The following AHI1 variants were observed in gnomAD, a reference collection of about 807,000 sequenced individuals.
AHI1 encodes Abelson helper integration site 1, also known as jouberin.
In AHI1, 123 loss-of-function variants were observed where a neutral mutation model predicts 149.3. That is an observed-to-expected ratio of 0.82 (90% CI 0.71 to 0.96). The LOEUF is 0.96. AHI1 is among the 40% of genes least tolerant of loss of function. The pLI, the probability that AHI1 is intolerant of heterozygous loss-of-function variation, is 0.00. For missense variants in AHI1, 1,439 were observed against 1,422.7 expected (o/e 1.01, Z -0.18); for synonymous variants, 475 against 459.8 (o/e 1.03, Z -0.42).
At chr6:135,308,061 G>C (rs1374921032) in intron 26 of AHI1, among the ~76,000 whole-genome samples, 1 of 152,156 alleles carries the variant, frequency 6.6e-6, no homozygotes, top group African/African-American at 2.4e-5. Flanking sequence ...TCCAAAAAAA[G>C]GTCATGCTGC....
intron 22 of AHI1, among the ~76,000 whole-genome samples, chr6:135,396,714 T>C (rs554387885): frequency 3.3e-5 from 5 of 151,782 alleles, no homozygotes; most frequent in African/African-American, 7.2e-5. Flanking sequence ...TTCCTGAAAA[T>C]TTTTATCTTA....
At chr6:135,352,281 C>G (rs1792238241) in intron 24 of AHI1, among the ~76,000 whole-genome samples, 1 of 152,138 alleles carries the variant, frequency 6.6e-6, no homozygotes, top group Admixed American at 6.5e-5. Context: ...ATTCAATGAT[C>G]TTTATAAATG....
At chr6:135,382,043 C>A (rs1776840924) in intron 23 of AHI1, among the ~76,000 whole-genome samples, 1 of 152,198 alleles carries the variant, frequency 6.6e-6, no homozygotes, top group Admixed American at 6.5e-5. Flanking sequence ...AGTTAGAAAT[C>A]ATTCTTAACT....
intron 8 of AHI1, among the ~76,000 whole-genome samples, chr6:135,459,085 C>T (rs963622505): frequency 6.6e-5 from 10 of 152,100 alleles, no homozygotes; most frequent in African/African-American, 2.2e-4. Flanking sequence ...TTAGAAATTG[C>T]ATTCTTTTCA....
At chr6:135,315,802 A>G (rs1464821757) in intron 26 of AHI1, among the ~76,000 whole-genome samples, 1 of 152,232 alleles carries the variant, frequency 6.6e-6, no homozygotes, top group African/African-American at 2.4e-5. Context: ...CACTCGCATT[A>G]GAAATGAACC....
At chr6:135,397,651 A>T (rs1437274157) in intron 22 of AHI1, among the ~76,000 whole-genome samples, 1 of 152,076 alleles carries the variant, frequency 6.6e-6, no homozygotes, top group Non-Finnish European at 1.5e-5. Flanking sequence ...ATGTTAAAAA[A>T]CTTGCTGCTC....
rs1787171633 is a variant in AHI1 at position 135,323,385 on chromosome 6, A to G, written c.3166-61T>C. On this transcript the variant is annotated intron_variant, in intron 24 of 28. Coordinates refer to ENST00000265602, the MANE Select transcript of AHI1 (RefSeq NM_001134831.2). The stretch of plus-strand genomic sequence containing the variant: ...AACTGTACCACAGAGAAAACCCCCA[A>G]CATTCACTTCCTCTTGCAGAAGAGC... 4 of 1,532,950 alleles carry G rather than the reference A, an allele frequency of 2.6e-6. No individual in the cohort carries two copies. The Admixed American group carries it at 5.6e-5, about 21-fold the overall frequency. 95.0% of individuals were successfully genotyped at this position (1,532,950 alleles called of 1,614,324 possible). A position where few individuals can be genotyped will look rare whatever the true frequency, so the allele number is the denominator to read the frequency against.
chr6:135,321,730 T>C, intron 25 of AHI1, among the ~76,000 whole-genome samples: 1 of 152,248 alleles, frequency 6.6e-6, no homozygotes. Context: ...AATAATTATT[T>C]CTTTGCAGAA....
rs35851478 is a variant in AHI1, at chr6:135,404,967, C to T, written c.2972G>A (p.Arg991His). Reference sequence around the variant, plus strand: ...ACTACTTACTTTTGCAGCACAGGAACGTATCACCTCCTAAAAGAAATACAA... The same window carrying T: ...ACTACTTACTTTTGCAGCACAGGAATGTATCACCTCCTAAAAGAAATACAA... ...QRLETVTEVI[R>H]SCAAKVNKNL... Residue 991 changes from arginine (R) to histidine (H), a missense_variant, in exon 22 of 29, where the codon CGT (arginine) becomes CAT (histidine). Arg to His is a conservative substitution (Grantham distance 29, BLOSUM62 0). Transcript: ENST00000265602. 1,138 of 1,607,560 alleles carry T rather than the reference C, an allele frequency of 7.1e-4. 11 individuals are homozygous for T. The African/African-American group carries it at 0.012, about 17-fold the overall frequency.
At chr6:135,333,956 G>A (rs1360836747) in intron 24 of AHI1, among the ~76,000 whole-genome samples, 1 of 152,160 alleles carries the variant, frequency 6.6e-6, no homozygotes, top group African/African-American at 2.4e-5. Flanking sequence ...TATTGTTTGT[G>A]ATCACACATT....
At chr6:135,340,109 C>T (rs1466388106) in intron 24 of AHI1, among the ~76,000 whole-genome samples, 3 of 152,174 alleles carry the variant, frequency 2.0e-5, no homozygotes, top group East Asian at 1.9e-4. Context: ...CCGTGGCTCA[C>T]GCCTGTAATC....
chr6:135,482,831 A>G (rs1393328653), intron 5 of AHI1, among the ~76,000 whole-genome samples: 1 of 147,278 alleles, frequency 6.8e-6, no homozygotes, highest in East Asian at 2.0e-4. Context: ...AATCCTTTAA[A>G]TACTGCTGGG....
chr6:135,338,155 G>C (rs1253189865), intron 24 of AHI1, among the ~76,000 whole-genome samples: 1 of 151,700 alleles, frequency 6.6e-6, no homozygotes, highest in Non-Finnish European at 1.5e-5. Context: ...AAAAAAATTA[G>C]CCGGCATGGT....
rs556563656 is a variant in AHI1, at chr6:135,447,271, G to A, written c.1627-111C>T. On this transcript the variant is annotated intron_variant, in intron 12 of 28. Coordinates refer to ENST00000265602, the MANE Select transcript of AHI1 (RefSeq NM_001134831.2). ...AATAATATGAAAATATTTTCAAAAT[G>A]TAATCCAGAAAAAAATTCTACTTTT... is the stretch of plus-strand genomic sequence containing the variant. The A allele has an allele frequency of 1.3e-5, 10 of 771,540 alleles. No individual in the cohort carries two copies. The South Asian group carries it at 4.2e-4, about 32-fold the overall frequency. The allele number at this position is 771,540 out of a possible 1,614,324, so 47.8% of individuals were successfully genotyped here. A position where few individuals can be genotyped will look rare whatever the true frequency, so the allele number is the denominator to read the frequency against.
intron 26 of AHI1, among the ~76,000 whole-genome samples, chr6:135,308,345 C>T (rs946974988): frequency 6.6e-6 from 1 of 152,116 alleles, no homozygotes; most frequent in Non-Finnish European, 1.5e-5. Flanking sequence ...AAGCGATCCT[C>T]CCACCTCAGC....
intron 22 of AHI1, among the ~76,000 whole-genome samples, chr6:135,398,021 T>C (rs1009622705): frequency 1.3e-5 from 2 of 148,932 alleles, no homozygotes; most frequent in African/African-American, 4.9e-5. Context: ...GCAGTTCTGG[T>C]GGCATTAGAA....
chr6:135,359,814 T>C (rs1317624994), intron 23 of AHI1, among the ~76,000 whole-genome samples: 1 of 152,138 alleles, frequency 6.6e-6, no homozygotes, highest in Admixed American at 6.6e-5. Flanking sequence ...TAATTTTAAT[T>C]GGAGAAAAGG....
Position 135,472,018 on chromosome 6 carries a change from C to CAAAAAAAAAAAAAAA in AHI1, c.136-4399_136-4385dup, listed in dbSNP as rs541390652. ...TGGGCGACAGAGCGAGACTCCGTCTCAAAAAAAAAAAAAAAAAAAAAAAAA... is the reference window on the plus strand; with the variant it reads ...TGGGCGACAGAGCGAGACTCCGTCTCAAAAAAAAAAAAAAAAAAAAAAAAAAAAAAAAAAAAAAAA... On this transcript the variant is annotated intron_variant, in intron 5 of 28. Coordinates refer to ENST00000265602, the MANE Select transcript of AHI1 (RefSeq NM_001134831.2). Among the ~76,000 whole-genome samples, 106 of 54,426 alleles carry CAAAAAAAAAAAAAAA rather than the reference C, an allele frequency of 1.9e-3. 1 individual carries two copies. Among genetic ancestry groups the CAAAAAAAAAAAAAAA allele is most frequent in the East Asian group, 3.0e-3 (4 of 1,334 alleles). The allele number at this position is 54,426 out of a possible 152,430, so 35.7% of individuals were successfully genotyped here.
At chr6:135,422,223 A>T (rs1299259666) in intron 20 of AHI1, among the ~76,000 whole-genome samples, 1 of 152,202 alleles carries the variant, frequency 6.6e-6, no homozygotes, top group Non-Finnish European at 1.5e-5. Context: ...GAGTTATATT[A>T]AAATTTAATG....
Sources: allele counts gnomAD v4.1 joint callset (sites outside exome capture counted in the v4.1 genomes callset), GRCh38; gene constraint gnomAD v4.1.1; transcripts MANE v1.5; gene names NCBI Gene and HGNC (gene_info 2026-07-23, HGNC 2026-07-21).